Variants in ARL6 observed in about 807,000 individuals in gnomAD.
ARL6 encodes ARF like GTPase 6.
A neutral mutation model predicts 27.1 loss-of-function variants in ARL6; 18 were observed. The ratio of observed to expected loss-of-function variants is 0.66; its 90% confidence interval spans 0.46 to 0.98. The LOEUF is 0.98. Ranked by LOEUF, ARL6 falls within the 50% of genes least tolerant of loss-of-function variation. The probability of loss-of-function intolerance (pLI) is 0.00; values close to 1 mark genes in which losing one functional copy is unlikely to be tolerated. For missense variants in ARL6, 187 were observed against 214.9 expected (o/e 0.87, Z 0.81); for synonymous variants, 65 against 72.3 (o/e 0.90, Z 0.51).
At chr3:97,771,633 A>G (rs1402456394) in intron 2 of ARL6, among the ~76,000 whole-genome samples, 2 of 148,670 alleles carry the variant, frequency 1.3e-5, no homozygotes, top group African/African-American at 2.6e-5. Context: ...TCAGTATATT[A>G]GCTCCACCAG....
At position 97,791,770 on chromosome 3, in the gene ARL6, G is replaced by A; in HGVS notation, c.480-1G>A. The A allele has an allele frequency of 6.2e-7, 1 of 1,613,506 alleles. No individual in the cohort carries two copies. The highest frequency in any genetic ancestry group is 8.5e-7 in the Non-Finnish European group (1 of 1,179,620). On this transcript the variant is annotated splice_acceptor_variant, in intron 6 of 7. Transcript: ENST00000463745. LOFTEE classifies it high-confidence loss of function. ...TATGTTTCTTATGGATTTCATTTCAGTGCTAGTGATGCCATAAAAGGAGAA... is the reference window on the plus strand; with the variant it reads ...TATGTTTCTTATGGATTTCATTTCAATGCTAGTGATGCCATAAAAGGAGAA...
intron 5 of ARL6, among the ~76,000 whole-genome samples, chr3:97,786,344 A>C (rs990845418): frequency 6.6e-6 from 1 of 152,064 alleles, no homozygotes; most frequent in Admixed American, 6.5e-5. Context: ...AAAAAAAAAA[A>C]CAAAAAACTT....
chr3:97,789,784 T>C (rs1458157692), intron 6 of ARL6, among the ~76,000 whole-genome samples: 1 of 151,856 alleles, frequency 6.6e-6, no homozygotes. Context: ...ATTGAAAATG[T>C]ATTTATCCTT....
At chr3:97,783,558 TCA>T (rs2037304507) in intron 4 of ARL6, among the ~76,000 whole-genome samples, 1 of 151,870 alleles carries the variant, frequency 6.6e-6, no homozygotes, top group African/African-American at 2.4e-5. Context: ...AGAAATAAAA[TCA>T]CTGGCTCAAA....
chr3:97,788,095 T>C lies in ARL6; in HGVS notation c.455T>C (p.Ile152Thr). The C allele has an allele frequency of 6.2e-7, 1 of 1,613,258 alleles. No homozygotes were observed. Among genetic ancestry groups the C allele is most frequent in the Non-Finnish European group, 8.5e-7 (1 of 1,179,590 alleles). ...KVSQLLCLENIKDKPWHICAS... is the reference protein window; with the variant it reads ...KVSQLLCLENTKDKPWHICAS... ...TCTCAGTTGCTGTGTTTAGAGAACA[T>C]CAAAGATAAACCCTGGCATATTTGG... The change falls in exon 6 of 8, where the codon ATC becomes ACC. Residue 152 changes from isoleucine (I) to threonine (T), a missense_variant. Coordinates refer to ENST00000463745, the MANE Select transcript of ARL6 (RefSeq NM_001278293.3).
Position 97,788,027 on chromosome 3 carries a change from A to G in ARL6, c.387A>G (p.Ala129=). ...KHRRIPILFF[A]NKMDLRDAVT... ...GTCGAATTCCAATCTTATTCTTTGC[A>G]AATAAAATGGATCTTAGAGATGCAG... The change falls in exon 6 of 8, where the codon GCA becomes GCG. Residue 129 remains alanine (A), a synonymous_variant. Coordinates refer to ENST00000463745, the MANE Select transcript of ARL6 (RefSeq NM_001278293.3). 6.2e-7 allele frequency: 1 copy of G among 1,613,280 alleles called. No homozygotes were observed. Among genetic ancestry groups the G allele is most frequent in the Non-Finnish European group, 8.5e-7 (1 of 1,179,420 alleles).
At chr3:97,782,255 G>A (rs2037232547) in intron 4 of ARL6, among the ~76,000 whole-genome samples, 1 of 151,838 alleles carries the variant, frequency 6.6e-6, no homozygotes, top group Admixed American at 6.6e-5. Flanking sequence ...TTTTAAAAAT[G>A]TATTTAGCTA....
chr3:97,784,617 A>G (rs1435648254), intron 4 of ARL6, among the ~76,000 whole-genome samples: 1 of 151,890 alleles, frequency 6.6e-6, no homozygotes, highest in Non-Finnish European at 1.5e-5. Flanking sequence ...AATATTAATA[A>G]TTATTGCATC....
chr3:97,794,049 C>A (rs1296869930), intron 7 of ARL6, among the ~76,000 whole-genome samples: 1 of 151,828 alleles, frequency 6.6e-6, no homozygotes, highest in African/African-American at 2.4e-5. Flanking sequence ...AAGAAAGCAC[C>A]CCATAAATGT....
chr3:97,770,605 A>G (rs2036590782), intron 2 of ARL6, among the ~76,000 whole-genome samples: 1 of 151,964 alleles, frequency 6.6e-6, no homozygotes, highest in Non-Finnish European at 1.5e-5. Flanking sequence ...TACTGCCCAA[A>G]TCAGTGTCCT....
intron 2 of ARL6, 71 bp from the exon 3 acceptor site, chr3:97,780,088 G>A: frequency 8.0e-7 from 1 of 1,250,506 alleles, no homozygotes; most frequent in South Asian, 1.2e-5. Context: ...CTGAAAATCT[G>A]GATACTTTAA....
chr3:97,779,896 T>C (rs1559679544), intron 2 of ARL6, among the ~76,000 whole-genome samples: 2 of 151,766 alleles, frequency 1.3e-5, no homozygotes, highest in Non-Finnish European at 2.9e-5. Context: ...TTAAACCACT[T>C]ATAAAACAAA....
intron 2 of ARL6, 147 bp from the exon 3 acceptor site, chr3:97,780,012 A>C (rs2037111091): frequency 3.0e-6 from 2 of 669,520 alleles, no homozygotes; most frequent in Non-Finnish European, 5.4e-6. Flanking sequence ...ACACAGAGTG[A>C]TCCTATTGAA....
intron 2 of ARL6, 47 bp from the exon 3 acceptor site, chr3:97,780,112 C>T: frequency 6.8e-7 from 1 of 1,477,756 alleles, no homozygotes; most frequent in Non-Finnish European, 9.5e-7. Flanking sequence ...GAGGAAAACT[C>T]ATCTCTGGTA....
intron 2 of ARL6, among the ~76,000 whole-genome samples, chr3:97,770,457 A>G (rs936877740): frequency 3.9e-5 from 6 of 152,160 alleles, no homozygotes; most frequent in Admixed American, 3.3e-4. Flanking sequence ...TTGAGTGGAT[A>G]TTATGTAAAT....
intron 2 of ARL6, among the ~76,000 whole-genome samples, chr3:97,771,102 C>T (rs967013660): frequency 5.3e-5 from 8 of 151,710 alleles, no homozygotes; most frequent in Non-Finnish European, 1.0e-4. Context: ...TTAATCTCTT[C>T]GGGTGGTATA....
At chr3:97,773,888 T>TTTTG (rs962294794) in intron 2 of ARL6, among the ~76,000 whole-genome samples, 53 of 152,298 alleles carry the variant, frequency 3.5e-4, no homozygotes, top group African/African-American at 7.5e-4. Flanking sequence ...CAGGTGCTGC[T>TTTTG]TTTGTTTGTT....
At chr3:97,794,756 G>A (rs2037918529) in intron 7 of ARL6, among the ~76,000 whole-genome samples, 1 of 152,026 alleles carries the variant, frequency 6.6e-6, no homozygotes, top group Non-Finnish European at 1.5e-5. Context: ...GAAGGCCTTT[G>A]GTTCATTTGG....
At chr3:97,794,219 T>TGTGTGTG (rs1400201926) in intron 7 of ARL6, among the ~76,000 whole-genome samples, 8 of 75,028 alleles carry the variant, frequency 1.1e-4, no homozygotes, top group African/African-American at 2.7e-4. Flanking sequence ...GTGTGTGTGT[T>TGTGTGTG]TTTGAGATGG....
Sources: gnomAD v4.1 joint callset for allele counts (sites outside exome capture counted in the v4.1 genomes callset) on GRCh38, gnomAD v4.1.1 for gene constraint, MANE v1.5 for transcripts, NCBI Gene and HGNC (gene_info 2026-07-23, HGNC 2026-07-21) for gene names.